Variants in PACC1 observed in about 807,000 individuals in gnomAD.
The protein encoded by PACC1 is proton-activated chloride channel.
PACC1 carries 34 observed loss-of-function variants against 39.7 expected under a neutral mutation model. The observed-to-expected ratio is 0.86, with a 90% CI of 0.65 to 1.14. The LOEUF is 1.14. PACC1 is among the 50% of genes most tolerant of loss of function. The pLI, the probability that PACC1 is intolerant of heterozygous loss-of-function variation, is 0.00. For synonymous variants in PACC1, 127 were observed against 160.6 expected, an observed-to-expected ratio of 0.79 and a Z score of 1.58; for missense variants, 379 against 436.4, an observed-to-expected ratio of 0.87 and a Z score of 1.17.
chr1:212,373,662 A>C (rs1266783579), intron 7 of PACC1, among the ~76,000 whole-genome samples: 1 of 152,226 alleles, frequency 6.6e-6, no homozygotes, highest in Non-Finnish European at 1.5e-5. Context: ...AAAAAAAGCC[A>C]AATAATTCAA....
At chr1:212,403,796 C>T (rs1242344122) in intron 2 of PACC1, among the ~76,000 whole-genome samples, 1 of 152,114 alleles carries the variant, frequency 6.6e-6, no homozygotes, top group Non-Finnish European at 1.5e-5. Flanking sequence ...AACTCCTGGC[C>T]TCAAGTGACT....
rs1273099656 is a variant in PACC1 at position 212,385,429 on chromosome 1, G to T, written c.344-4C>A. On this transcript the variant is annotated splice_polypyrimidine_tract_variant and splice_region_variant and intron_variant, in intron 3 of 7. Transcript: ENST00000261455. ...TGACCGGGGTACAAGGCAATACCTG[G>T]GGGCACAAACAGGAAAAGCAAGTGT... 6.2e-7 allele frequency: 1 copy of T among 1,613,978 alleles called. No individual in the cohort carries two copies. Among genetic ancestry groups the T allele is most frequent in the South Asian group, 1.1e-5 (1 of 91,072 alleles).
intron 7 of PACC1, among the ~76,000 whole-genome samples, chr1:212,373,635 TCAAA>T (rs1437542191): frequency 9.2e-5 from 14 of 152,088 alleles, no homozygotes; most frequent in African/African-American, 2.7e-4. Flanking sequence ...TATAAGGAAC[TCAAA>T]CAACTCAATA....
At chr1:212,406,350 C>T (rs1661917140) in intron 2 of PACC1, among the ~76,000 whole-genome samples, 1 of 152,058 alleles carries the variant, frequency 6.6e-6, no homozygotes, top group Non-Finnish European at 1.5e-5. Context: ...AACCTCGTCT[C>T]TACTAAAAAT....
intron 2 of PACC1, among the ~76,000 whole-genome samples, chr1:212,402,345 T>C (rs1661748123): frequency 6.6e-6 from 1 of 152,230 alleles, no homozygotes; most frequent in Non-Finnish European, 1.5e-5. Context: ...TTTTTAAAAA[T>C]TATAACCATC....
intron 2 of PACC1, among the ~76,000 whole-genome samples, chr1:212,406,694 C>T (rs1478817760): frequency 6.6e-6 from 1 of 152,182 alleles, no homozygotes; most frequent in Non-Finnish European, 1.5e-5. Context: ...GGGAAGGCTA[C>T]CCCAAAGCAA....
chr1:212,382,310 T>TG (rs11418934), intron 4 of PACC1, among the ~76,000 whole-genome samples: 120,454 of 151,950 alleles, frequency 0.79, 48,626 homozygotes, highest in African/African-American at 0.93. Context: ...CCCAAAGTGC[T>TG]GGATTACAGG....
chr1:212,379,805 C>T, intron 5 of PACC1, 90 bp downstream of exon 5: 1 of 1,534,762 alleles, frequency 6.5e-7, no homozygotes, highest in Non-Finnish European at 8.9e-7. Context: ...CTTCCCTGCC[C>T]TCACCCCTCC....
At chr1:212,397,865 A>G (rs1266274016) in intron 2 of PACC1, among the ~76,000 whole-genome samples, 1 of 152,246 alleles carries the variant, frequency 6.6e-6, no homozygotes, top group Non-Finnish European at 1.5e-5. Context: ...TCTGACTGAA[A>G]GAGCAGATAT....
At chr1:212,396,514 A>T (rs1463127161) in intron 2 of PACC1, among the ~76,000 whole-genome samples, 1 of 152,096 alleles carries the variant, frequency 6.6e-6, no homozygotes, top group Non-Finnish European at 1.5e-5. Flanking sequence ...GCAGCACACC[A>T]ACATGGCACA....
At chr1:212,414,010 A>C (rs904592824) in intron 1 of PACC1, 2 of 1,535,676 alleles carry the variant, frequency 1.3e-6, no homozygotes, top group African/African-American at 2.7e-5. Context: ...GGAGGAGGAG[A>C]GCAGTTTCAC....
chr1:212,387,056 C>T lies in PACC1; in HGVS notation c.178G>A (p.Ala60Thr). 6 of 1,614,152 alleles carry T rather than the reference C, an allele frequency of 3.7e-6. No homozygotes were observed. Among genetic ancestry groups the T allele is most frequent in the African/African-American group, 2.7e-5 (2 of 75,038 alleles). The stretch of plus-strand genomic sequence containing the variant: ...ACCGAGAAGACGTTCTTCAGGCAGG[C>T]CTTGCTGAAGCGGATGCTGCTGGAG... ...SASSSIRFSK[A>T]CLKNVFSVLL... The change falls in exon 3 of 8, where the codon GCC becomes ACC. Residue 60 changes from alanine to threonine, a missense_variant. Coordinates refer to ENST00000261455, the MANE Select transcript of PACC1 (RefSeq NM_018252.3).
intron 2 of PACC1, among the ~76,000 whole-genome samples, chr1:212,390,885 G>A (rs1194891962): frequency 2.0e-5 from 3 of 152,250 alleles, no homozygotes; most frequent in African/African-American, 7.2e-5. Context: ...GCGGCAGTGA[G>A]GCTGGGGGAG....
chr1:212,375,419 T>C lies in PACC1; in HGVS notation c.784-119A>G, dbSNP rs2102476954. On this transcript the variant is annotated intron_variant, in intron 6 of 7. Transcript: ENST00000261455. ...TAGTCTGTGGTTCTCCTCACACTAT[T>C]TTTTGGAGAGAGAGTGGCAAAAATC... 4 of 668,700 alleles carry C rather than the reference T, an allele frequency of 6.0e-6. No homozygotes were observed. The South Asian group carries it at 6.1e-5, about 10-fold the overall frequency. 41.4% of individuals were successfully genotyped at this position (668,700 alleles called of 1,614,324 possible). A position where few individuals can be genotyped will look rare whatever the true frequency, so the allele number is the denominator to read the frequency against.
intron 7 of PACC1, among the ~76,000 whole-genome samples, chr1:212,367,801 T>C (rs916854042): frequency 1.3e-5 from 2 of 152,120 alleles, no homozygotes; most frequent in South Asian, 2.1e-4. Flanking sequence ...CCCCTAATTA[T>C]AGGCTATTGC....
Position 212,379,753 on chromosome 1 carries a change from G to A in PACC1, c.638+142C>T, listed in dbSNP as rs1660805872. ...TGAGTGGACCGGCCAAGCTCATGAG[G>A]TCCCTTCCTGGGCCAGTGGGTCATC... On this transcript the variant is annotated intron_variant, in intron 5 of 7. Transcript: ENST00000261455. 3.0e-6 allele frequency: 3 copies of A among 997,992 alleles called. No individual in the cohort carries two copies. In the South Asian group the frequency reaches 4.8e-5, roughly 16 times the overall value. 61.8% of individuals were successfully genotyped at this position (997,992 alleles called of 1,614,324 possible).
At chr1:212,380,087 G>C (rs766452031) in intron 4 of PACC1, 50 bp from the exon 5 acceptor site, 1 of 1,594,854 alleles carries the variant, frequency 6.3e-7, no homozygotes, top group Non-Finnish European at 8.5e-7. Context: ...GTACACAGAG[G>C]CCTCTGGGTC....
rs1320674526 is a variant in PACC1, at chr1:212,414,847, G to A, written c.-90C>T. 7.1e-6 allele frequency: 11 copies of A among 1,551,802 alleles called. No individual in the cohort carries two copies. Among genetic ancestry groups the A allele is most frequent in the African/African-American group, 1.4e-5 (1 of 73,264 alleles). On this transcript the variant is annotated 5_prime_UTR_variant, in exon 1 of 8. Coordinates refer to ENST00000261455, the MANE Select transcript of PACC1 (RefSeq NM_018252.3). Reference sequence around the variant, plus strand: ...GCGGCCGCTGCACCTGGACCTACCGGCTCCGCGAGGCGAAACCGGTCCGGA... The same window carrying A: ...GCGGCCGCTGCACCTGGACCTACCGACTCCGCGAGGCGAAACCGGTCCGGA...
chr1:212,410,692 C>T (rs1374973258), intron 1 of PACC1, among the ~76,000 whole-genome samples, 171 bp from the exon 2 acceptor site: 1 of 152,226 alleles, frequency 6.6e-6, no homozygotes, highest in African/African-American at 2.4e-5. Flanking sequence ...TCAGAAAGCT[C>T]AATAAACTTT....
Sources: gnomAD v4.1 joint callset for allele counts (sites outside exome capture counted in the v4.1 genomes callset) on GRCh38, gnomAD v4.1.1 for gene constraint, MANE v1.5 for transcripts, NCBI Gene and HGNC (gene_info 2026-07-23, HGNC 2026-07-21) for gene names.